Variants in GRID2 observed in about 807,000 individuals in gnomAD.
GRID2 encodes glutamate receptor ionotropic, delta-2.
GRID2 carries 33 observed loss-of-function variants against 114.8 expected under a neutral mutation model. That is an observed-to-expected ratio of 0.29 (90% confidence interval 0.22 to 0.38). The LOEUF (loss-of-function observed/expected upper bound fraction) is 0.38. GRID2 is among the 10% of genes least tolerant of loss of function. The pLI is 1.00. For synonymous variants in GRID2, 505 were observed against 449.9 expected (o/e 1.12, Z -1.55); for missense variants, 1,184 against 1,257.7 (o/e 0.94, Z 0.89).
At chr4:92,574,702 A>T (rs1038054114) in intron 1 of GRID2, among the ~76,000 whole-genome samples, 3 of 152,080 alleles carry the variant, frequency 2.0e-5, no homozygotes, top group Admixed American at 2.0e-4. Flanking sequence ...TGTTAGTCTG[A>T]TGGGCTTCCC....
At chr4:93,192,209 G>GA (rs1741050466) in intron 4 of GRID2, among the ~76,000 whole-genome samples, 1 of 152,110 alleles carries the variant, frequency 6.6e-6, no homozygotes, top group South Asian at 2.1e-4. Flanking sequence ...ACCAGCAACT[G>GA]AAATCATTCC....
chr4:92,839,928 C>T (rs1742756870), intron 2 of GRID2, among the ~76,000 whole-genome samples: 1 of 151,940 alleles, frequency 6.6e-6, no homozygotes, highest in Non-Finnish European at 1.5e-5. Context: ...TTGAATTCTC[C>T]AGCTGTTACT....
intron 2 of GRID2, among the ~76,000 whole-genome samples, chr4:92,983,378 A>C (rs1057148575): frequency 6.6e-6 from 1 of 152,046 alleles, no homozygotes; most frequent in Non-Finnish European, 1.5e-5. Context: ...GCCCATTCAC[A>C]AGAAAGGAAC....
intron 2 of GRID2, among the ~76,000 whole-genome samples, chr4:93,016,875 A>T (rs1722799046): frequency 1.3e-5 from 2 of 152,254 alleles, no homozygotes; most frequent in Non-Finnish European, 2.9e-5. Flanking sequence ...TAGGTTTGAA[A>T]TTTTGTCTAT....
intron 11 of GRID2, among the ~76,000 whole-genome samples, chr4:93,477,859 A>T (rs1725470665): frequency 6.6e-6 from 1 of 152,028 alleles, no homozygotes; most frequent in Non-Finnish European, 1.5e-5. Flanking sequence ...TCTAAATGCT[A>T]TCACTGCCAC....
chr4:92,627,344 T>C (rs1579714328), intron 2 of GRID2, among the ~76,000 whole-genome samples: 1 of 152,256 alleles, frequency 6.6e-6, no homozygotes, highest in Non-Finnish European at 1.5e-5. Context: ...ACCTACTTGT[T>C]CCTGTTTTCC....
At chr4:93,170,437 C>T (rs1382089726) in intron 4 of GRID2, among the ~76,000 whole-genome samples, 1 of 152,080 alleles carries the variant, frequency 6.6e-6, no homozygotes, top group Non-Finnish European at 1.5e-5. Context: ...CAATGTCAGT[C>T]ATATCTCTGG....
At chr4:93,328,010 GTCC>G (rs1032091897) in intron 8 of GRID2, among the ~76,000 whole-genome samples, 2 of 151,906 alleles carry the variant, frequency 1.3e-5, no homozygotes, top group Admixed American at 6.6e-5. Context: ...CTCCTCTACT[GTCC>G]TCCTTTAAAA....
At chr4:93,364,896 A>C (rs967578063) in intron 8 of GRID2, among the ~76,000 whole-genome samples, 3 of 152,120 alleles carry the variant, frequency 2.0e-5, no homozygotes, top group African/African-American at 7.2e-5. Flanking sequence ...AAGTTCACTT[A>C]TTGTGTAACT....
At chr4:93,328,526 A>T (rs529583093) in intron 8 of GRID2, among the ~76,000 whole-genome samples, 1 of 152,314 alleles carries the variant, frequency 6.6e-6, no homozygotes, top group African/African-American at 2.4e-5. Flanking sequence ...AATATCTTAT[A>T]CATATGAGTC....
intron 1 of GRID2, among the ~76,000 whole-genome samples, chr4:92,305,587 C>G (rs1361802942): frequency 6.6e-6 from 1 of 152,108 alleles, no homozygotes; most frequent in Non-Finnish European, 1.5e-5. Flanking sequence ...GCGAAGGCGC[C>G]GGGACTACTG....
At chr4:92,799,032 C>T (rs1740025738) in intron 2 of GRID2, among the ~76,000 whole-genome samples, 1 of 151,904 alleles carries the variant, frequency 6.6e-6, no homozygotes, top group Non-Finnish European at 1.5e-5. Context: ...TCCATGGGGG[C>T]TGGGTAGATG....
chr4:93,737,005 C>A (rs746478475), intron 14 of GRID2, among the ~76,000 whole-genome samples: 3 of 151,982 alleles, frequency 2.0e-5, no homozygotes, highest in Admixed American at 6.6e-5. Flanking sequence ...TTTGAGGTTT[C>A]ATTCTCACCT....
At chr4:92,704,763 C>G (rs1305580143) in intron 2 of GRID2, among the ~76,000 whole-genome samples, 1 of 146,430 alleles carries the variant, frequency 6.8e-6, no homozygotes, top group African/African-American at 2.5e-5. Context: ...CTCTCCCTCT[C>G]TGCCCCTCCC....
intron 8 of GRID2, among the ~76,000 whole-genome samples, chr4:93,311,327 T>G (rs1755987673): frequency 6.6e-6 from 1 of 152,138 alleles, no homozygotes; most frequent in South Asian, 2.1e-4. Context: ...CTGCTTGTCA[T>G]TTTCCAGTGG....
At chr4:93,272,668 T>C (rs920800128) in intron 8 of GRID2, among the ~76,000 whole-genome samples, 7 of 152,130 alleles carry the variant, frequency 4.6e-5, no homozygotes, top group African/African-American at 1.7e-4. Flanking sequence ...GATTCTGTTT[T>C]TTAAGATAAT....
intron 2 of GRID2, among the ~76,000 whole-genome samples, chr4:92,709,746 G>A (rs1297756410): frequency 4.0e-5 from 6 of 151,836 alleles, no homozygotes; most frequent in Non-Finnish European, 8.8e-5. Flanking sequence ...TTGTCTGACT[G>A]TAGAGTGATA....
In GRID2 at chr4:93,163,379, T is replaced by G. The variant is rs1201760304; in HGVS notation, c.736-44025T>G. On this transcript the variant is annotated intron_variant, in intron 4 of 15. Coordinates refer to ENST00000282020, the MANE Select transcript of GRID2 (RefSeq NM_001510.4). ...GTGTATATATATATATATATATATATATATATATATATATATATATACACT... is the reference window on the plus strand; with the variant it reads ...GTGTATATATATATATATATATATAGATATATATATATATATATATACACT... 9.2e-5 allele frequency among the ~76,000 whole-genome samples: 5 copies of G among 54,076 alleles called. No individual in the cohort carries two copies. In the East Asian group the frequency reaches 1.5e-3, roughly 16 times the overall value. The allele number at this position is 54,076 out of a possible 152,430, so 35.5% of individuals were successfully genotyped here. A position where few individuals can be genotyped will look rare whatever the true frequency, so the allele number is the denominator to read the frequency against.
intron 13 of GRID2, among the ~76,000 whole-genome samples, chr4:93,591,787 G>A (rs1387705263): frequency 6.6e-6 from 1 of 152,214 alleles, no homozygotes; most frequent in Non-Finnish European, 1.5e-5. Context: ...AGTCTTGGGA[G>A]AGTGTATGTG....
Sources: allele counts gnomAD v4.1 joint callset (sites outside exome capture counted in the v4.1 genomes callset), GRCh38; gene constraint gnomAD v4.1.1; transcripts MANE v1.5; gene names NCBI Gene and HGNC (gene_info 2026-07-23, HGNC 2026-07-21).